The following MRTFB variants were observed in gnomAD, a reference collection of about 807,000 sequenced individuals.
MRTFB encodes myocardin-related transcription factor B.
Under a neutral mutation model 104.2 loss-of-function variants are expected in MRTFB, and 29 were observed. The ratio of observed to expected loss-of-function variants is 0.28; its 90% CI spans 0.21 to 0.38. The LOEUF is 0.38. Among genes scored for constraint, MRTFB ranks in the 10% least tolerant of loss-of-function variants. The pLI is 1.00. For synonymous variants in MRTFB, 535 were observed against 519.5 expected, an observed-to-expected ratio of 1.03 and a Z score of -0.41; for missense variants, 1,270 against 1,341.6, an observed-to-expected ratio of 0.95 and a Z score of 0.83.
chr16:14,224,019 G>C (rs191467557), intron 8 of MRTFB, among the ~76,000 whole-genome samples: 1 of 152,128 alleles, frequency 6.6e-6, no homozygotes, highest in African/African-American at 2.4e-5. Context: ...GGCTGGGGAG[G>C]CCTCATGAAA....
the MRTFB span, among the ~76,000 whole-genome samples, chr16:14,040,128 A>G: frequency 6.6e-6 from 1 of 152,260 alleles, no homozygotes; most frequent in Admixed American, 6.5e-5. Context: ...ATTAGTAAGT[A>G]TTAGGTTGGT....
At chr16:14,182,770 A>G (rs530368056) in intron 3 of MRTFB, among the ~76,000 whole-genome samples, 7 of 152,308 alleles carry the variant, frequency 4.6e-5, no homozygotes, top group Middle Eastern at 3.4e-3. Flanking sequence ...GAATGATAGA[A>G]TCATGACAAT....
At chr16:14,012,155 G>A in the MRTFB span, among the ~76,000 whole-genome samples, 15 of 151,962 alleles carry the variant, frequency 9.9e-5, no homozygotes, top group South Asian at 6.2e-4. Flanking sequence ...GGGTGGCAGC[G>A]AGAACGTACT....
the MRTFB span, chr16:14,020,249 A>G: frequency 2.0e-5 from 3 of 152,286 alleles, no homozygotes; most frequent in Non-Finnish European, 4.4e-5. Flanking sequence ...GACCTTTTCA[A>G]TGAATCCTCT....
chr16:14,016,353 T>G, the MRTFB span, among the ~76,000 whole-genome samples: 1 of 143,956 alleles, frequency 6.9e-6, no homozygotes, highest in South Asian at 2.3e-4. Context: ...TTGCAACTTT[T>G]GCAGTGGTTT....
chr16:14,245,473 T>C (rs961012858), intron 10 of MRTFB, 55 bp from the exon 11 acceptor site: 14 of 1,487,166 alleles, frequency 9.4e-6, no homozygotes, highest in South Asian at 1.3e-5. Context: ...ATAGAAGCAA[T>C]GTCAAATCTA....
chr16:14,200,329 C>T, intron 3 of MRTFB: 1 of 1,607,264 alleles, frequency 6.2e-7, no homozygotes, highest in Non-Finnish European at 8.5e-7. Context: ...GACGTGGCTC[C>T]CGGAAGTAAG....
intron 8 of MRTFB, among the ~76,000 whole-genome samples, chr16:14,233,164 C>T (rs1403632155): frequency 6.6e-6 from 1 of 152,192 alleles, no homozygotes; most frequent in African/African-American, 2.4e-5. Context: ...AACTGAGATT[C>T]AGCAATTGTT....
intron 2 of MRTFB, among the ~76,000 whole-genome samples, chr16:14,099,232 A>AT (rs1198680847): frequency 3.3e-5 from 5 of 152,088 alleles, no homozygotes; most frequent in Non-Finnish European, 7.4e-5. Flanking sequence ...ATTTATTTAT[A>AT]TTTTTTAAAA....
intron 8 of MRTFB, among the ~76,000 whole-genome samples, chr16:14,219,889 G>GTA (rs2041607046): frequency 6.6e-6 from 1 of 152,178 alleles, no homozygotes; most frequent in African/African-American, 2.4e-5. Context: ...GAGAGAGCAA[G>GTA]TATATTTTGA....
chr16:14,196,952 T>G (rs551018153), intron 3 of MRTFB, among the ~76,000 whole-genome samples: 1 of 150,894 alleles, frequency 6.6e-6, no homozygotes, highest in Non-Finnish European at 1.5e-5. Context: ...ACTTTAGTGC[T>G]TTCTCTTTTT....
chr16:14,168,217 A>ATGTGTGTGTGTGTGTGTGTGTG (rs61205256), intron 3 of MRTFB, among the ~76,000 whole-genome samples: 47 of 148,008 alleles, frequency 3.2e-4, no homozygotes, highest in African/African-American at 1.1e-3. Context: ...TAAAGATAAA[A>ATGTGTGTGTGTGTGTGTGTGTG]TGTGTGTGTG....
rs541804415 is a variant in MRTFB at position 14,083,743 on chromosome 16, T to C, written c.-64+4389T>C. 1.2e-4 allele frequency among the ~76,000 whole-genome samples: 19 copies of C among 152,272 alleles called. No homozygotes were observed. The South Asian group carries it at 3.9e-3, about 32-fold the overall frequency. On this transcript the variant is annotated intron_variant, in intron 2 of 16. Coordinates refer to ENST00000571589, the MANE Select transcript of MRTFB (RefSeq NM_001308142.2). ...ACCAGGTACCGTAATCTGTCGTCTG[T>C]TTTTCTTAGCTCTTGTGAAGGTGTT...
chr16:14,167,844 C>T (rs976043323), intron 3 of MRTFB, among the ~76,000 whole-genome samples: 1 of 152,268 alleles, frequency 6.6e-6, no homozygotes, highest in African/African-American at 2.4e-5. Flanking sequence ...GCGCCCGCCG[C>T]GCCCGGCTAA....
intron 2 of MRTFB, among the ~76,000 whole-genome samples, chr16:14,110,400 G>T (rs2036211200): frequency 6.6e-6 from 1 of 152,216 alleles, no homozygotes; most frequent in African/African-American, 2.4e-5. Flanking sequence ...AGCTCTGAAG[G>T]CAGTCAGGGA....
chr16:14,230,250 A>G (rs1380830899), intron 8 of MRTFB, among the ~76,000 whole-genome samples: 4 of 152,246 alleles, frequency 2.6e-5, no homozygotes, highest in Non-Finnish European at 5.9e-5. Flanking sequence ...AAACACCAAA[A>G]GCAATGGCAA....
chr16:14,036,286 TTATATATATTTATATATATATATATA>T, the MRTFB span, among the ~76,000 whole-genome samples: 2 of 41,220 alleles, frequency 4.9e-5, no homozygotes, highest in African/African-American at 1.2e-4. Flanking sequence ...TATATGTATT[TTATATATATTTATATATATATATATA>T]TATATATATG....
At chr16:14,257,583 ATGAGGGG>A (rs2043554866) in intron 15 of MRTFB, among the ~76,000 whole-genome samples, 1 of 143,948 alleles carries the variant, frequency 6.9e-6, no homozygotes, top group African/African-American at 2.5e-5. Flanking sequence ...TTGCCTACGG[ATGAGGGG>A]ATGAGGGGAT....
chr16:14,117,389 C>T (rs922657288), intron 2 of MRTFB, among the ~76,000 whole-genome samples: 7 of 152,364 alleles, frequency 4.6e-5, no homozygotes, highest in Middle Eastern at 6.8e-3. Flanking sequence ...CTCCTCCTAT[C>T]CAGTCTTGAT....
Sources: gnomAD v4.1 joint callset for allele counts (sites outside exome capture counted in the v4.1 genomes callset) on GRCh38, gnomAD v4.1.1 for gene constraint, MANE v1.5 for transcripts, NCBI Gene and HGNC (gene_info 2026-07-23, HGNC 2026-07-21) for gene names.